The following NOL4 variants were observed in gnomAD, a reference collection of about 807,000 sequenced individuals.
The protein encoded by NOL4 is cancer/testis antigen 125.
A neutral mutation model predicts 75.9 loss-of-function variants in NOL4; 17 were observed. The ratio of observed to expected loss-of-function variants is 0.22; its 90% CI spans 0.15 to 0.34. The LOEUF (loss-of-function observed/expected upper bound fraction) is 0.34, where lower values mean the gene tolerates loss of function less well. Among genes scored for constraint, NOL4 ranks in the 10% least tolerant of loss-of-function variants. The pLI, the probability that NOL4 is intolerant of heterozygous loss-of-function variation, is 1.00. For missense variants in NOL4, 614 were observed against 793.5 expected, an observed-to-expected ratio of 0.77 and a Z score of 2.72; for synonymous variants, 292 against 289.9, an observed-to-expected ratio of 1.01 and a Z score of -0.07.
At position 34,223,956 on chromosome 18, in the gene NOL4, A is replaced by G. The variant is rs1337260301; in HGVS notation, c.-703T>C. ...ATTCTGTTTTACAGAATTTTTTATC[A>G]AGATATTTTTTAAAACGGTTTAAAA... On this transcript the variant is annotated 5_prime_UTR_variant, in exon 1 of 11. Coordinates refer to ENST00000261592, the MANE Select transcript of NOL4 (RefSeq NM_003787.5). The G allele has an allele frequency of 1.3e-5, 2 of 152,264 alleles. No individual in the cohort carries two copies. Among genetic ancestry groups the G allele is most frequent in the Non-Finnish European group, 2.9e-5 (2 of 68,050 alleles). 9.4% of individuals were successfully genotyped at this position (152,264 alleles called of 1,614,324 possible).
At chr18:34,116,893 T>C (rs1050801704) in intron 2 of NOL4, among the ~76,000 whole-genome samples, 1 of 152,166 alleles carries the variant, frequency 6.6e-6, no homozygotes, top group African/African-American at 2.4e-5. Flanking sequence ...TCCTCTCTAA[T>C]TGCAACAATG....
intron 8 of NOL4, among the ~76,000 whole-genome samples, chr18:33,946,743 T>A (rs1472706699): frequency 6.6e-6 from 1 of 151,772 alleles, no homozygotes; most frequent in Non-Finnish European, 1.5e-5. Flanking sequence ...ATTCTATAAA[T>A]TATGAAATTT....
At chr18:33,907,600 T>C (rs1180548511) in intron 9 of NOL4, among the ~76,000 whole-genome samples, 1 of 152,182 alleles carries the variant, frequency 6.6e-6, no homozygotes, top group African/African-American at 2.4e-5. Flanking sequence ...AGGTACATTT[T>C]TTTATAGGAG....
chr18:34,146,117 T>G (rs190491562), intron 1 of NOL4, among the ~76,000 whole-genome samples: 1 of 152,078 alleles, frequency 6.6e-6, no homozygotes, highest in Non-Finnish European at 1.5e-5. Context: ...CAAGGGACTT[T>G]CCATTGCATC....
chr18:33,889,830 T>A (rs1404400175), intron 9 of NOL4, among the ~76,000 whole-genome samples: 1 of 152,140 alleles, frequency 6.6e-6, no homozygotes, highest in African/African-American at 2.4e-5. Context: ...TTTGACAAAA[T>A]TCAACAGTCC....
chr18:33,984,245 A>G (rs993481557), intron 6 of NOL4, among the ~76,000 whole-genome samples: 2 of 152,172 alleles, frequency 1.3e-5, no homozygotes, highest in African/African-American at 4.8e-5. Context: ...CAGAATGAGT[A>G]TTGATCTAAT....
chr18:34,142,565 G>T (rs1402740231), intron 1 of NOL4, among the ~76,000 whole-genome samples: 3 of 152,082 alleles, frequency 2.0e-5, no homozygotes, highest in Admixed American at 2.0e-4. Context: ...ATCATTCTCA[G>T]CAAACTATCG....
At chr18:33,943,343 GA>G (rs2068622797) in intron 8 of NOL4, among the ~76,000 whole-genome samples, 165 bp from the exon 9 acceptor site, 1 of 151,640 alleles carries the variant, frequency 6.6e-6, no homozygotes, top group African/African-American at 2.4e-5. Context: ...TTGTAAAGAT[GA>G]AAAATGAAAG....
At chr18:34,199,123 G>C (rs539816736) in intron 1 of NOL4, among the ~76,000 whole-genome samples, 1 of 150,544 alleles carries the variant, frequency 6.6e-6, no homozygotes, top group Non-Finnish European at 1.5e-5. Flanking sequence ...TTCTTTTTCA[G>C]AGCAAAGCCT....
At chr18:34,070,800 T>C (rs901795136) in intron 5 of NOL4, among the ~76,000 whole-genome samples, 7 of 152,190 alleles carry the variant, frequency 4.6e-5, no homozygotes, top group Non-Finnish European at 1.0e-4. Context: ...CATAGGTATA[T>C]ATAAAGATTC....
chr18:34,054,557 G>A (rs1195815473), intron 5 of NOL4, among the ~76,000 whole-genome samples: 1 of 151,802 alleles, frequency 6.6e-6, no homozygotes, highest in Non-Finnish European at 1.5e-5. Context: ...CATAGAATAT[G>A]TTTTTAATCT....
intron 1 of NOL4, among the ~76,000 whole-genome samples, chr18:34,211,044 C>T (rs1264527818): frequency 6.6e-6 from 1 of 151,592 alleles, no homozygotes; most frequent in Non-Finnish European, 1.5e-5. Context: ...CGCAGCACTG[C>T]ACTCCAGCCT....
intron 5 of NOL4, among the ~76,000 whole-genome samples, chr18:34,084,080 C>T (rs531857622): frequency 4.6e-5 from 7 of 152,266 alleles, no homozygotes; most frequent in Admixed American, 1.3e-4. Flanking sequence ...GACCTGATGC[C>T]GGCTGGAACG....
intron 10 of NOL4, among the ~76,000 whole-genome samples, chr18:33,873,164 G>A (rs773345254): frequency 3.3e-5 from 5 of 151,960 alleles, no homozygotes; most frequent in South Asian, 2.1e-4. Context: ...CAAATTCACC[G>A]TGGGGGATTG....
intron 6 of NOL4, among the ~76,000 whole-genome samples, chr18:33,964,619 G>A (rs2070432161): frequency 6.6e-6 from 1 of 152,146 alleles, no homozygotes. Flanking sequence ...TGCACTAGCA[G>A]GATCAGCATC....
chr18:34,037,555 T>C (rs966564021), intron 5 of NOL4, among the ~76,000 whole-genome samples: 2 of 152,022 alleles, frequency 1.3e-5, no homozygotes, highest in Non-Finnish European at 2.9e-5. Flanking sequence ...GGTATTGTTA[T>C]TAAAATAAAC....
At chr18:33,870,785 A>G (rs1402728259) in intron 10 of NOL4, among the ~76,000 whole-genome samples, 2 of 152,090 alleles carry the variant, frequency 1.3e-5, no homozygotes, top group African/African-American at 4.8e-5. Flanking sequence ...ACCAACAAAA[A>G]AAATCCTAAA....
In NOL4 at chr18:34,134,483, C is replaced by CACACAT. The variant is rs1555734852; in HGVS notation, c.265-4464_265-4463insATGTGT. ...ACACACACACACACACACACACACACACACACACACACATTGATGAAGCAA... is the reference window on the plus strand; with the variant it reads ...ACACACACACACACACACACACACACACACATACACACACACACATTGATGAAGCAA... On this transcript the variant is annotated intron_variant, in intron 1 of 10. Coordinates refer to ENST00000261592, the MANE Select transcript of NOL4 (RefSeq NM_003787.5). 7.2e-3 allele frequency among the ~76,000 whole-genome samples: 1,066 copies of CACACAT among 147,664 alleles called. 50 individuals carry two copies. Among genetic ancestry groups the CACACAT allele is most frequent in the African/African-American group, 0.012 (466 of 39,834 alleles).
At chr18:33,981,365 G>A (rs1246587208) in intron 6 of NOL4, among the ~76,000 whole-genome samples, 2 of 150,676 alleles carry the variant, frequency 1.3e-5, no homozygotes, top group African/African-American at 4.9e-5. Flanking sequence ...GAAAAATGTG[G>A]GAAAAACTAC....
Sources: gnomAD v4.1 joint callset for allele counts (sites outside exome capture counted in the v4.1 genomes callset) on GRCh38, gnomAD v4.1.1 for gene constraint, MANE v1.5 for transcripts, NCBI Gene and HGNC (gene_info 2026-07-23, HGNC 2026-07-21) for gene names.